Variants in ZC3H4 observed in about 807,000 individuals in gnomAD.
ZC3H4 encodes zinc finger CCCH domain-containing protein 4.
In ZC3H4, 13 loss-of-function variants were observed where a neutral mutation model predicts 108.3. That is an observed-to-expected ratio of 0.12 (90% confidence interval 0.08 to 0.19). The LOEUF (loss-of-function observed/expected upper bound fraction) is 0.19, where lower values mean the gene tolerates loss of function less well. Among genes scored for constraint, ZC3H4 ranks in the 10% least tolerant of loss-of-function variants. The probability of loss-of-function intolerance (pLI) is 1.00; values close to 1 mark genes in which losing one functional copy is unlikely to be tolerated. For synonymous variants in ZC3H4, 917 were observed against 749.6 expected, an observed-to-expected ratio of 1.22 and a Z score of -3.65; for missense variants, 1,734 against 1,838.8, an observed-to-expected ratio of 0.94 and a Z score of 1.04.
chr19:47,070,134 A>AGG (rs376272452), intron 13 of ZC3H4, among the ~76,000 whole-genome samples: 1 of 150,638 alleles, frequency 6.6e-6, no homozygotes, highest in African/African-American at 2.5e-5. Context: ...ACCGAAACGG[A>AGG]GGGGGGGGCG....
chr19:47,111,045 C>G, intron 2 of ZC3H4: 1 of 446,970 alleles, frequency 2.2e-6, no homozygotes, highest in Non-Finnish European at 3.0e-6. Context: ...GCTGAGACCC[C>G]CCGGCTAAGG....
chr19:47,097,734 G>A (rs1274464927), intron 2 of ZC3H4, among the ~76,000 whole-genome samples: 5 of 152,124 alleles, frequency 3.3e-5, no homozygotes, highest in African/African-American at 7.2e-5. Flanking sequence ...AATAGACCTC[G>A]ACATAATCCC....
chr19:47,095,624 T>C (rs1226556107), intron 2 of ZC3H4, among the ~76,000 whole-genome samples: 1 of 152,074 alleles, frequency 6.6e-6, no homozygotes, highest in Non-Finnish European at 1.5e-5. Context: ...ATTCTGCATA[T>C]GTAAATATCT....
At position 47,066,435 on chromosome 19, in the gene ZC3H4, C is replaced by T. The variant is rs201549271; in HGVS notation, c.3833G>A (p.Arg1278His). 37 of 1,571,378 alleles carry T rather than the reference C, an allele frequency of 2.4e-5. No individual in the cohort carries two copies. In the African/African-American group the frequency reaches 3.2e-4, roughly 14 times the overall value. Reference sequence around the variant, plus strand: ...GGATGCCGCATCCTGCTCACCCTCGCGGGCCGGACTGTTCCCAGCAAATGG... The same window carrying T: ...GGATGCCGCATCCTGCTCACCCTCGTGGGCCGGACTGTTCCCAGCAAATGG... The part of the protein sequence containing the change: ...GSPFAGNSPA[R>H]EGEQDAASLK... The change falls in exon 15 of 15, where the codon CGC becomes CAC. Residue 1278 changes from arginine to histidine, a missense_variant. Transcript: ENST00000253048.
In ZC3H4 at chr19:47,112,478, G is replaced by C; in HGVS notation, c.107C>G (p.Ala36Gly). The change falls in exon 2 of 15, where the codon GCC (alanine) becomes GGC (glycine). Residue 36 changes from alanine to glycine, a missense_variant. Coordinates refer to ENST00000253048, the MANE Select transcript of ZC3H4 (RefSeq NM_015168.2). ...TPSPPPCSPDARPATPHLLHH... is the reference protein window; with the variant it reads ...TPSPPPCSPDGRPATPHLLHH... ...GAGGAGGTGCGGGGTGGCCGGGCGG[G>C]CGTCGGGGGAACACGGAGGAGGCGA... 1.8e-6 allele frequency: 2 copies of C among 1,126,284 alleles called. No homozygotes were observed. The highest frequency in any genetic ancestry group is 4.4e-5 in the South Asian group (1 of 22,896). The allele number at this position is 1,126,284 out of a possible 1,614,324, so 69.8% of individuals were successfully genotyped here.
intron 6 of ZC3H4, 100 bp downstream of exon 6, chr19:47,086,284 G>T: frequency 7.1e-7 from 1 of 1,405,634 alleles, no homozygotes; most frequent in Non-Finnish European, 9.8e-7. Context: ...AGGGCCGTAT[G>T]TCTTCCTACC....
In ZC3H4 at chr19:47,112,470, C is replaced by G; in HGVS notation, c.115G>C (p.Ala39Pro). Residue 39 changes from alanine (A) to proline (P), a missense_variant, in exon 2 of 15, where the codon GCC becomes CCC. Ala to Pro is a conservative substitution (Grantham distance 27). Around this residue, in one of 9 missense-constraint regions of ZC3H4, gnomAD observed 112 missense variants for 73.3 expected, o/e 1.53. Transcript: ENST00000253048. ...CGGTGGTGGAGGAGGTGCGGGGTGG[C>G]CGGGCGGGCGTCGGGGGAACACGGA... ...PPPCSPDARP[A>P]TPHLLHHRLP... The G allele has an allele frequency of 8.3e-7, 1 of 1,207,506 alleles. No homozygotes were observed. The highest frequency in any genetic ancestry group is 1.0e-6 in the Non-Finnish European group (1 of 959,182). The allele number at this position is 1,207,506 out of a possible 1,614,324, so 74.8% of individuals were successfully genotyped here. A position where few individuals can be genotyped will look rare whatever the true frequency, so the allele number is the denominator to read the frequency against.
intron 8 of ZC3H4, among the ~76,000 whole-genome samples, chr19:47,084,765 A>T (rs1325610309): frequency 1.3e-5 from 2 of 152,132 alleles, no homozygotes; most frequent in Non-Finnish European, 2.9e-5. Context: ...TCCCTGCAAA[A>T]CCTTCCAGGG....
intron 10 of ZC3H4, among the ~76,000 whole-genome samples, chr19:47,081,853 G>A (rs1027963531): frequency 7.2e-5 from 11 of 152,086 alleles, no homozygotes; most frequent in Non-Finnish European, 1.2e-4. Context: ...TGGGGGCTGC[G>A]TCCTCAGATG....
chr19:47,094,679 C>A, intron 2 of ZC3H4, 71 bp from the exon 3 acceptor site: 3 of 1,523,452 alleles, frequency 2.0e-6, no homozygotes, highest in Non-Finnish European at 2.7e-6. Context: ...CTGGGCTGGC[C>A]AAGGCTGACA....
intron 13 of ZC3H4, among the ~76,000 whole-genome samples, chr19:47,070,789 C>T (rs2122704446): frequency 6.6e-6 from 1 of 152,226 alleles, no homozygotes; most frequent in South Asian, 2.1e-4. Flanking sequence ...GGCAGGCACC[C>T]TAGAGTGACT....
rs953276027 is a variant in ZC3H4 at position 47,065,338 on chromosome 19, A to T, written c.*1018T>A. ...GCCCTGCAGGTCACACAGTGTAAGG[A>T]GGTGCGAGGAAAACAGAGAACACTT... On this transcript the variant is annotated 3_prime_UTR_variant, in exon 15 of 15. Coordinates refer to ENST00000253048, the MANE Select transcript of ZC3H4 (RefSeq NM_015168.2). 1 of 152,826 alleles carries T rather than the reference A, an allele frequency of 6.5e-6. No individual in the cohort carries two copies. The highest frequency in any genetic ancestry group is 1.9e-4 in the East Asian group (1 of 5,210). 9.5% of individuals were successfully genotyped at this position (152,826 alleles called of 1,614,324 possible). A position where few individuals can be genotyped will look rare whatever the true frequency, so the allele number is the denominator to read the frequency against.
intron 2 of ZC3H4, among the ~76,000 whole-genome samples, chr19:47,097,160 C>G (rs2057835724): frequency 6.6e-6 from 1 of 152,182 alleles, no homozygotes. Context: ...AGACCTGAGC[C>G]AAAGAGGGAT....
At position 47,083,606 on chromosome 19, in the gene ZC3H4, G is replaced by A. The variant is rs571050147; in HGVS notation, c.1218+739C>T. On this transcript the variant is annotated intron_variant, in intron 9 of 14. Coordinates refer to ENST00000253048, the MANE Select transcript of ZC3H4 (RefSeq NM_015168.2). ...CACCTATAGTCTCAGCTACTCAGGA[G>A]GCTGAGGCAGGAGAATCGCTTGATC... 4.7e-4 allele frequency among the ~76,000 whole-genome samples: 71 copies of A among 151,986 alleles called. 1 individual carries two copies. The highest frequency in any genetic ancestry group is 1.6e-3 in the African/African-American group (68 of 41,476).
chr19:47,095,337 C>T (rs919131127), intron 2 of ZC3H4, among the ~76,000 whole-genome samples: 8 of 152,208 alleles, frequency 5.3e-5, no homozygotes, highest in Admixed American at 3.9e-4. Context: ...GGCTCAGAGT[C>T]CCAGGTCACA....
At chr19:47,074,918 T>C (rs979888541) in intron 11 of ZC3H4, among the ~76,000 whole-genome samples, 1 of 152,198 alleles carries the variant, frequency 6.6e-6, no homozygotes, top group Non-Finnish European at 1.5e-5. Flanking sequence ...ATCTTGGCCG[T>C]GAGTCCCCCA....
At chr19:47,112,718 G>A (rs1600126320) in intron 1 of ZC3H4, 129 bp from the exon 2 acceptor site, 1 of 486,632 alleles carries the variant, frequency 2.1e-6, no homozygotes, top group African/African-American at 2.0e-5. Flanking sequence ...AATCACCTCT[G>A]CGCTGACCTC....
intron 9 of ZC3H4, 82 bp downstream of exon 9, chr19:47,084,263 A>T: frequency 7.3e-7 from 1 of 1,362,790 alleles, no homozygotes; most frequent in South Asian, 1.2e-5. Context: ...CACCCTCACC[A>T]CGGCTCCAGA....
intron 11 of ZC3H4, among the ~76,000 whole-genome samples, chr19:47,077,991 A>G (rs185560193): frequency 2.0e-5 from 3 of 152,252 alleles, no homozygotes; most frequent in African/African-American, 7.2e-5. Context: ...ATTGCTCTCT[A>G]CAGAATTTAC....
Sources: allele counts gnomAD v4.1 joint callset (sites outside exome capture counted in the v4.1 genomes callset), GRCh38; gene constraint gnomAD v4.1.1; regional missense constraint gnomAD v4.1.1; transcripts MANE v1.5; gene names NCBI Gene and HGNC (gene_info 2026-07-23, HGNC 2026-07-21).